The following DLG2 variants were observed in gnomAD, a reference collection of about 807,000 sequenced individuals.
DLG2 encodes disks large homolog 2.
A neutral mutation model predicts 132.5 loss-of-function variants in DLG2; 45 were observed. That is an observed-to-expected ratio of 0.34 (90% CI 0.27 to 0.44). The LOEUF (loss-of-function observed/expected upper bound fraction) is 0.44. Ranked by LOEUF, DLG2 falls within the 20% of genes least tolerant of loss-of-function variation. The pLI, the probability that DLG2 is intolerant of heterozygous loss-of-function variation, is 1.00. For synonymous variants in DLG2, 424 were observed against 419.6 expected (o/e 1.01, Z -0.13); for missense variants, 1,045 against 1,196.9 (o/e 0.87, Z 1.87).
At chr11:85,579,033 A>G (rs1288924861) in intron 3 of DLG2, among the ~76,000 whole-genome samples, 1 of 152,180 alleles carries the variant, frequency 6.6e-6, no homozygotes, top group Non-Finnish European at 1.5e-5. Context: ...TATATACACC[A>G]TGGAATACTA....
chr11:85,501,337 A>G (rs1187633959), intron 3 of DLG2, among the ~76,000 whole-genome samples: 1 of 152,208 alleles, frequency 6.6e-6, no homozygotes, highest in Non-Finnish European at 1.5e-5. Context: ...CCTGTGAAAT[A>G]CCATTCAGGA....
At chr11:84,192,356 G>A (rs1223234540) in intron 8 of DLG2, among the ~76,000 whole-genome samples, 1 of 152,140 alleles carries the variant, frequency 6.6e-6, no homozygotes, top group Non-Finnish European at 1.5e-5. Flanking sequence ...TCTAATATCT[G>A]TTCTTTTAGA....
At chr11:84,603,058 G>A (rs1453266220) in intron 6 of DLG2, among the ~76,000 whole-genome samples, 1 of 151,920 alleles carries the variant, frequency 6.6e-6, no homozygotes, top group African/African-American at 2.4e-5. Flanking sequence ...AAAATGAATA[G>A]CTAGCATAAA....
At chr11:85,350,623 G>C (rs142113163) in intron 3 of DLG2, among the ~76,000 whole-genome samples, 2 of 151,950 alleles carry the variant, frequency 1.3e-5, no homozygotes, top group Admixed American at 6.6e-5. Flanking sequence ...AGCTTTCTAC[G>C]TATGGCTAGC....
intron 3 of DLG2, among the ~76,000 whole-genome samples, chr11:85,445,451 G>A (rs575079991): frequency 6.6e-6 from 1 of 152,174 alleles, no homozygotes; most frequent in African/African-American, 2.4e-5. Context: ...GCCAAGGTGG[G>A]TGGATCACCT....
Position 84,703,887 on chromosome 11 carries a change from CGTGTGTGT to C in DLG2, c.358-169164_358-169157del, listed in dbSNP as rs370287195. Among the ~76,000 whole-genome samples, 686 of 114,648 alleles carry C rather than the reference CGTGTGTGT, an allele frequency of 6.0e-3. 6 individuals are homozygous for C. The highest frequency in any genetic ancestry group is 0.022 in the African/African-American group (596 of 27,514). The allele number at this position is 114,648 out of a possible 152,430, so 75.2% of individuals were successfully genotyped here. On this transcript the variant is annotated intron_variant, in intron 6 of 27. Transcript: ENST00000376104. ...ATATATATATATATATATATATACA[CGTGTGTGT>C]GTGTGTGTGTGTGTGTGTGTGTATT...
rs1329917581 is a variant in DLG2 at position 84,534,618 on chromosome 11, T to G, written c.471A>C (p.Ile157=). 1 of 1,614,056 alleles carries G rather than the reference T, an allele frequency of 6.2e-7. No individual in the cohort carries two copies. The change falls in exon 7 of 28, where the codon ATA becomes ATC. Residue 157 remains isoleucine (I), a synonymous_variant. Transcript: ENST00000376104. ...GCAAGACATATCCATGGACATTTTC[T>G]ATTTGAGAGAGGTTCTTTTCTGATA... ...VHVSEKNLSQ[I]ENVHGYVLQS... is the part of the protein sequence containing the mutation.
Position 85,531,097 on chromosome 11 carries a change from T to C in DLG2, c.40+67560A>G, listed in dbSNP as rs1035086158. Among the ~76,000 whole-genome samples, 9 of 152,368 alleles carry C rather than the reference T, an allele frequency of 5.9e-5. No homozygotes were observed. The South Asian group carries it at 8.3e-4, about 14-fold the overall frequency. ...CTTAATACAATGTATTCTTACATTA[T>C]TCCCTTTCCTTACTGGTCATTAAAA... On this transcript the variant is annotated intron_variant, in intron 3 of 27. Transcript: ENST00000376104.
intron 3 of DLG2, among the ~76,000 whole-genome samples, chr11:85,352,201 G>T (rs1046009360): frequency 6.6e-6 from 1 of 152,156 alleles, no homozygotes; most frequent in Non-Finnish European, 1.5e-5. Flanking sequence ...TTGCATAGAC[G>T]TGTTTATAGT....
intron 10 of DLG2, among the ~76,000 whole-genome samples, chr11:84,089,689 C>G (rs1414690678): frequency 6.6e-6 from 1 of 152,098 alleles, no homozygotes; most frequent in African/African-American, 2.4e-5. Context: ...TAAACAGACA[C>G]AGAAGTAATA....
chr11:85,354,491 G>T (rs948876953), intron 3 of DLG2, among the ~76,000 whole-genome samples: 1 of 151,942 alleles, frequency 6.6e-6, no homozygotes, highest in African/African-American at 2.4e-5. Context: ...TTCTTCAGGG[G>T]TATTCCAAGT....
At chr11:85,102,068 A>G (rs547606703) in intron 6 of DLG2, among the ~76,000 whole-genome samples, 1 of 152,176 alleles carries the variant, frequency 6.6e-6, no homozygotes, top group African/African-American at 2.4e-5. Flanking sequence ...CATAGAATCC[A>G]TGTGGCATCT....
At chr11:85,596,609 G>A (rs1485266062) in intron 3 of DLG2, among the ~76,000 whole-genome samples, 1 of 152,074 alleles carries the variant, frequency 6.6e-6, no homozygotes, top group African/African-American at 2.4e-5. Context: ...CAGAATAATG[G>A]GTGAAACCAC....
At chr11:84,970,435 A>G (rs1024297516) in intron 6 of DLG2, among the ~76,000 whole-genome samples, 3 of 152,172 alleles carry the variant, frequency 2.0e-5, no homozygotes, top group African/African-American at 7.2e-5. Flanking sequence ...CTGCCATAAC[A>G]AAATACCATA....
intron 3 of DLG2, among the ~76,000 whole-genome samples, chr11:85,458,005 A>G (rs1016726111): frequency 6.6e-6 from 1 of 152,174 alleles, no homozygotes; most frequent in South Asian, 2.1e-4. Context: ...GGAAGCTTTC[A>G]CAGGTGATAT....
intron 6 of DLG2, among the ~76,000 whole-genome samples, chr11:84,665,348 C>A (rs958194291): frequency 6.6e-5 from 10 of 152,026 alleles, no homozygotes; most frequent in Non-Finnish European, 1.3e-4. Context: ...AAATAATTTG[C>A]ACAATATTAC....
chr11:84,110,276 C>T (rs969478820), intron 9 of DLG2, among the ~76,000 whole-genome samples: 3 of 152,112 alleles, frequency 2.0e-5, no homozygotes, highest in Non-Finnish European at 2.9e-5. Context: ...CGATAACCTG[C>T]CATTCAGCTT....
intron 21 of DLG2, among the ~76,000 whole-genome samples, chr11:83,530,314 G>A (rs549802659): frequency 2.0e-5 from 3 of 152,080 alleles, no homozygotes; most frequent in African/African-American, 7.2e-5. Flanking sequence ...TTAGGGGAGG[G>A]TAAATTATTA....
At chr11:85,610,023 G>A (rs1216324183) in intron 2 of DLG2, among the ~76,000 whole-genome samples, 3 of 152,134 alleles carry the variant, frequency 2.0e-5, no homozygotes, top group Non-Finnish European at 4.4e-5. Context: ...TGGGGAACAA[G>A]TTATCCATTT....
Sources: allele counts gnomAD v4.1 joint callset (sites outside exome capture counted in the v4.1 genomes callset), GRCh38; gene constraint gnomAD v4.1.1; transcripts MANE v1.5; gene names NCBI Gene and HGNC (gene_info 2026-07-23, HGNC 2026-07-21).